Variants in WDFY3 observed in about 807,000 individuals in gnomAD.
The protein encoded by WDFY3 is WD repeat and FYVE domain containing 3, also known as WD repeat and FYVE domain-containing protein 3.
Under a neutral mutation model 409.6 loss-of-function variants are expected in WDFY3, and 66 were observed. That is an observed-to-expected ratio of 0.16 (90% confidence interval 0.13 to 0.20). WDFY3 has a LOEUF of 0.20. Ranked by LOEUF, WDFY3 falls within the 10% of genes least tolerant of loss-of-function variation. The pLI, the probability that WDFY3 is intolerant of heterozygous loss-of-function variation, is 1.00. For synonymous variants in WDFY3, 1,521 were observed against 1,537.1 expected (o/e 0.99, Z 0.25); for missense variants, 3,031 against 4,298.1 (o/e 0.71, Z 8.24).
intron 56 of WDFY3, among the ~76,000 whole-genome samples, chr4:84,697,094 T>C (rs1020324813): frequency 3.9e-5 from 6 of 152,214 alleles, no homozygotes; most frequent in African/African-American, 1.4e-4. Flanking sequence ...CGAAACATGC[T>C]TCTTTCTGCA....
At chr4:84,823,387 G>C (rs1206372652) in intron 10 of WDFY3, among the ~76,000 whole-genome samples, 1 of 151,952 alleles carries the variant, frequency 6.6e-6, no homozygotes, top group African/African-American at 2.4e-5. Flanking sequence ...TGAATCTGAA[G>C]TAAAGATTTC....
intron 9 of WDFY3, among the ~76,000 whole-genome samples, chr4:84,828,705 T>A (rs1755219241): frequency 6.6e-6 from 1 of 152,164 alleles, no homozygotes; most frequent in Non-Finnish European, 1.5e-5. Flanking sequence ...GAGACCAGCC[T>A]GGGCAACACA....
chr4:84,787,665 G>A lies in WDFY3; in HGVS notation c.3718C>T (p.Pro1240Ser). 5.6e-6 allele frequency: 9 copies of A among 1,614,150 alleles called. No homozygotes were observed. Among genetic ancestry groups the A allele is most frequent in the Non-Finnish European group, 6.8e-6 (8 of 1,179,986 alleles). ...TPGGSGSANP[P>S]VVSTVYAYIG... is the part of the protein sequence containing the mutation. ...TAGGCATAGACCGTGCTCACCACTG[G>A]TGGATTTGCCGAACCTGAACCCCCT... Residue 1240 changes from proline (P) to serine (S), a missense_variant, in exon 23 of 68, where the codon CCA (proline) becomes TCA (serine). By Grantham distance (74) the Pro-to-Ser change is moderately conservative (BLOSUM62 -1). This residue lies in a region of WDFY3 where 1,322 missense variants were observed against 1,697.9 expected (regional missense o/e 0.78). Transcript: ENST00000295888.
chr4:84,716,601 C>A (rs1241618266), intron 49 of WDFY3, among the ~76,000 whole-genome samples: 1 of 151,422 alleles, frequency 6.6e-6, no homozygotes, highest in African/African-American at 2.4e-5. Flanking sequence ...TCGAGACCAT[C>A]CTGGCTGACA....
At chr4:84,931,779 T>C (rs996266522) in intron 2 of WDFY3, among the ~76,000 whole-genome samples, 1 of 152,110 alleles carries the variant, frequency 6.6e-6, no homozygotes, top group Non-Finnish European at 1.5e-5. Flanking sequence ...AAATAAACTT[T>C]TTAATAACAA....
chr4:84,847,115 T>C (rs1400253628), intron 5 of WDFY3, among the ~76,000 whole-genome samples: 2 of 152,094 alleles, frequency 1.3e-5, no homozygotes, highest in Non-Finnish European at 2.9e-5. Context: ...AAAGCTTATA[T>C]ACTAAAGCTT....
At chr4:84,835,327 G>A (rs896597198) in intron 7 of WDFY3, among the ~76,000 whole-genome samples, 1 of 152,052 alleles carries the variant, frequency 6.6e-6, no homozygotes, top group African/African-American at 2.4e-5. Context: ...CACATTCATC[G>A]GCAATATCTT....
chr4:84,849,053 C>T (rs1758504058), intron 5 of WDFY3, among the ~76,000 whole-genome samples: 1 of 151,994 alleles, frequency 6.6e-6, no homozygotes, highest in Admixed American at 6.6e-5. Context: ...ACAAGCAGAA[C>T]AAAACCCTAA....
intron 3 of WDFY3, among the ~76,000 whole-genome samples, chr4:84,874,754 A>G (rs1441966120): frequency 6.6e-6 from 1 of 152,150 alleles, no homozygotes; most frequent in East Asian, 1.9e-4. Context: ...GCCTACCATG[A>G]AACTTTAGTT....
At chr4:84,683,110 C>T (rs1393483681) in intron 63 of WDFY3, among the ~76,000 whole-genome samples, 1 of 152,178 alleles carries the variant, frequency 6.6e-6, no homozygotes, top group Non-Finnish European at 1.5e-5. Flanking sequence ...ACAGAATCCC[C>T]AGGTGCCTGG....
intron 17 of WDFY3, 121 bp downstream of exon 17, chr4:84,801,529 G>A: frequency 1.0e-6 from 1 of 974,752 alleles, no homozygotes; most frequent in Non-Finnish European, 1.4e-6. Flanking sequence ...GTCCATTTTT[G>A]TTATATTTTG....
chr4:84,903,832 A>G (rs1015770712), intron 2 of WDFY3, among the ~76,000 whole-genome samples: 3 of 152,052 alleles, frequency 2.0e-5, no homozygotes, highest in African/African-American at 7.2e-5. Context: ...CGCTATACAC[A>G]TGTATATTTA....
rs774737238 is a variant in WDFY3, at chr4:84,672,984, G to A, written c.10465C>T (p.Arg3489Cys). ...AAGCGTTTGATTTCAGATTGAAAGC[G>A]ACTGCACCTAAAGGAAAGGAAAAGT... Reference protein sequence around the residue: ...CGQLFCQKCSRFQSEIKRLKI... With the variant: ...CGQLFCQKCSCFQSEIKRLKI... Residue 3489 changes from arginine to cysteine, a missense_variant, in exon 68 of 68, where the codon CGC (arginine) becomes TGC (cysteine). Transcript: ENST00000295888. The A allele has an allele frequency of 3.1e-6, 5 of 1,614,018 alleles. No homozygotes were observed. Among genetic ancestry groups the A allele is most frequent in the African/African-American group, 1.3e-5 (1 of 75,032 alleles).
At chr4:84,756,630 T>TAAAAC (rs1386291499) in intron 33 of WDFY3, among the ~76,000 whole-genome samples, 5 of 148,742 alleles carry the variant, frequency 3.4e-5, no homozygotes, top group African/African-American at 1.3e-4. Context: ...TAAAATAAAA[T>TAAAAC]AAAATAAAAT....
intron 1 of WDFY3, among the ~76,000 whole-genome samples, chr4:84,932,687 T>TA (rs1770911133): frequency 6.6e-6 from 1 of 152,162 alleles, no homozygotes; most frequent in South Asian, 2.1e-4. Flanking sequence ...ACTCAACCCT[T>TA]ACCACTTCCA....
intron 2 of WDFY3, among the ~76,000 whole-genome samples, chr4:84,931,796 A>G (rs531070415): frequency 2.0e-5 from 3 of 152,316 alleles, no homozygotes; most frequent in East Asian, 1.9e-4. Context: ...ACAACAAAGT[A>G]AAGTAAAGCA....
intron 13 of WDFY3, among the ~76,000 whole-genome samples, chr4:84,812,729 C>T (rs1017020229): frequency 9.2e-5 from 14 of 152,132 alleles, no homozygotes; most frequent in Admixed American, 3.3e-4. Context: ...CTGCTGCTTA[C>T]GAATCTTAGT....
At chr4:84,784,889 T>TAC (rs1441669534) in intron 24 of WDFY3, among the ~76,000 whole-genome samples, 84 of 52,070 alleles carry the variant, frequency 1.6e-3, no homozygotes, top group African/African-American at 5.3e-3. Context: ...TATATATATA[T>TAC]ATACACACAC....
chr4:84,927,772 T>C lies in WDFY3; in HGVS notation c.-132+4498A>G, dbSNP rs919922386. On this transcript the variant is annotated intron_variant, in intron 2 of 67. Coordinates refer to ENST00000295888, the MANE Select transcript of WDFY3 (RefSeq NM_014991.6). ...CCTTCAGCCATGATTGTAAGTTTCCTGAGGCCTCCCCAGCCATGTGGAACT... is the reference window on the plus strand; with the variant it reads ...CCTTCAGCCATGATTGTAAGTTTCCCGAGGCCTCCCCAGCCATGTGGAACT... Among the ~76,000 whole-genome samples, 4 of 152,376 alleles carry C rather than the reference T, an allele frequency of 2.6e-5. No individual in the cohort carries two copies. The East Asian group carries it at 7.7e-4, about 29-fold the overall frequency.
Sources: gnomAD v4.1 joint callset for allele counts (sites outside exome capture counted in the v4.1 genomes callset) on GRCh38, gnomAD v4.1.1 for gene constraint, gnomAD v4.1.1 regional missense constraint, MANE v1.5 for transcripts, NCBI Gene and HGNC (gene_info 2026-07-23, HGNC 2026-07-21) for gene names.